Variants in CCDC144A observed in about 807,000 individuals in gnomAD.
CCDC144A encodes coiled-coil domain-containing protein 144A.
CCDC144A carries 41 observed loss-of-function variants against 143.8 expected under a neutral mutation model. The observed-to-expected ratio is 0.29, with a 90% CI of 0.22 to 0.37. The LOEUF is 0.37. CCDC144A is among the 10% of genes least tolerant of loss of function. CCDC144A has a pLI of 1.00. For missense variants in CCDC144A, 637 were observed against 1,488.8 expected (o/e 0.43, Z 9.41); for synonymous variants, 242 against 517.9 (o/e 0.47, Z 7.23).
chr17:16,738,215 C>T (rs1374003387), intron 12 of CCDC144A, among the ~76,000 whole-genome samples: 2 of 144,070 alleles, frequency 1.4e-5, no homozygotes, highest in Non-Finnish European at 3.0e-5. Context: ...TAGGTACTTC[C>T]TTTATTTTCC....
the CCDC144A span, among the ~76,000 whole-genome samples, chr17:16,670,042 A>G: frequency 1.3e-5 from 2 of 151,790 alleles, no homozygotes; most frequent in African/African-American, 2.4e-5. Context: ...TTAGCCGGGC[A>G]TGATGGTGTC....
intron 8 of CCDC144A, among the ~76,000 whole-genome samples, chr17:16,723,544 A>G (rs1042550010): frequency 3.9e-5 from 6 of 152,300 alleles, no homozygotes; most frequent in Admixed American, 6.5e-5. Flanking sequence ...GGTAGCTTAT[A>G]AACAACAGAA....
chr17:16,711,364 A>G (rs1488639757), intron 5 of CCDC144A, among the ~76,000 whole-genome samples: 1 of 151,964 alleles, frequency 6.6e-6, no homozygotes, highest in Non-Finnish European at 1.5e-5. Flanking sequence ...TTCATAATAC[A>G]TAGTAAAGGG....
At chr17:16,667,455 A>G in the CCDC144A span, among the ~76,000 whole-genome samples, 1 of 150,914 alleles carries the variant, frequency 6.6e-6, no homozygotes, top group Admixed American at 6.6e-5. Context: ...GAGGTGGCTC[A>G]GGGGCTGACG....
At chr17:16,762,732 A>G (rs1327270967) in intron 14 of CCDC144A, among the ~76,000 whole-genome samples, 199 bp downstream of exon 14, 6 of 152,076 alleles carry the variant, frequency 3.9e-5, no homozygotes, top group Non-Finnish European at 8.8e-5. Flanking sequence ...AATGAACGTA[A>G]CCTTTAAAAT....
chr17:16,686,845 CTG>C, upstream of CCDC144A, among the ~76,000 whole-genome samples: 1 of 151,886 alleles, frequency 6.6e-6, no homozygotes, highest in South Asian at 2.1e-4. Flanking sequence ...GGTCCTGGAA[CTG>C]TGACTGATGG....
At chr17:16,686,907 C>T (rs1469129557), upstream of CCDC144A, among the ~76,000 whole-genome samples, 1 of 152,058 alleles carries the variant, frequency 6.6e-6, no homozygotes, top group Non-Finnish European at 1.5e-5. Context: ...AGTAGGCTCC[C>T]CCAGGCCATC....
intron 9 of CCDC144A, among the ~76,000 whole-genome samples, chr17:16,730,625 G>A (rs1913695179): frequency 8.8e-6 from 1 of 113,408 alleles, no homozygotes; most frequent in African/African-American, 4.4e-5. Context: ...ATGAACATAG[G>A]GCATATTTCC....
At chr17:16,678,903 T>C in the CCDC144A span, among the ~76,000 whole-genome samples, 1 of 151,796 alleles carries the variant, frequency 6.6e-6, no homozygotes, top group East Asian at 1.9e-4. Context: ...TACAGGCGTG[T>C]GCCACCACGC....
At chr17:16,716,600 A>C (rs1374985297) in intron 6 of CCDC144A, among the ~76,000 whole-genome samples, 2 of 152,238 alleles carry the variant, frequency 1.3e-5, no homozygotes, top group Non-Finnish European at 2.9e-5. Context: ...TATAATGACT[A>C]TAATGACATT....
At chr17:16,709,755 T>A in intron 5 of CCDC144A, 120 bp downstream of exon 5, 1 of 1,389,078 alleles carries the variant, frequency 7.2e-7, no homozygotes, top group South Asian at 1.5e-5. Context: ...TCTGTAATTG[T>A]GTGTAGAAAC....
chr17:16,677,239 T>C, the CCDC144A span, among the ~76,000 whole-genome samples: 1 of 151,994 alleles, frequency 6.6e-6, no homozygotes, highest in Non-Finnish European at 1.5e-5. Flanking sequence ...CTCCTAAAAC[T>C]CCAAATGGTC....
intron 2 of CCDC144A, among the ~76,000 whole-genome samples, chr17:16,698,684 A>G (rs1911554560): frequency 6.6e-6 from 1 of 152,172 alleles, no homozygotes; most frequent in Admixed American, 6.5e-5. Context: ...TGCATTCCCA[A>G]ACAAACATCT....
Position 16,764,079 on chromosome 17 carries a change from C to A in CCDC144A, c.4002C>A (p.Cys1334Ter). ...CAAGGCCAGTCCTAGAGTCACCTTG[C>A]GTTGGAAATCTTAATGATAGTGAAG... The part of the protein sequence containing the change: ...YATRPVLESP[C>*]VGNLNDSEGL... Residue 1334 changes from cysteine (C) to a stop codon, truncating the protein, a stop_gained, in exon 15 of 17, where the codon TGC (cysteine) becomes TGA (stop). Transcript: ENST00000399273. LOFTEE classifies it high-confidence loss of function. 2 of 1,613,690 alleles carry A rather than the reference C, an allele frequency of 1.2e-6. No individual in the cohort carries two copies. The highest frequency in any genetic ancestry group is 2.2e-5 in the South Asian group (2 of 91,066).
chr17:16,683,577 C>T, the CCDC144A span: 2 of 1,608,854 alleles, frequency 1.2e-6, no homozygotes, highest in East Asian at 2.2e-5. Flanking sequence ...GTGCAAAGCA[C>T]AGGTGGACCG....
chr17:16,690,461 T>C lies in CCDC144A; in HGVS notation c.61T>C (p.Tyr21His). The C allele has an allele frequency of 6.2e-7, 1 of 1,612,474 alleles. No individual in the cohort carries two copies. Among genetic ancestry groups the C allele is most frequent in the East Asian group, 2.2e-5 (1 of 44,842 alleles). The change falls in exon 1 of 17, where the codon TAC (tyrosine) becomes CAC (histidine). Residue 21 changes from tyrosine to histidine, a missense_variant. Coordinates refer to ENST00000399273, the MANE Select transcript of CCDC144A (RefSeq NM_001382000.1). The part of the protein sequence containing the change: ...GAEGSPKPAV[Y>H]ATRKTPSVGS... ...TGAGGGGTCTCCGAAGCCGGCAGTCTACGCCACGAGGAAGACCCCTAGCGT... is the reference window on the plus strand; with the variant it reads ...TGAGGGGTCTCCGAAGCCGGCAGTCCACGCCACGAGGAAGACCCCTAGCGT...
intron 8 of CCDC144A, among the ~76,000 whole-genome samples, chr17:16,726,415 A>T (rs1288788287): frequency 6.6e-6 from 1 of 150,382 alleles, no homozygotes. Context: ...AAAAAAAAGA[A>T]AAATCTTCCA....
At chr17:16,693,317 T>G (rs3114295) in intron 2 of CCDC144A, among the ~76,000 whole-genome samples, 14,261 of 118,864 alleles carry the variant, frequency 0.12, 885 homozygotes, top group Non-Finnish European at 0.15. Context: ...AGAAAAAGTG[T>G]TTTTTTTTGT....
chr17:16,688,754 T>C (rs548680458), upstream of CCDC144A, among the ~76,000 whole-genome samples: 577 of 152,224 alleles, frequency 3.8e-3, 6 homozygotes, highest in African/African-American at 0.013. Context: ...TCCCAAAGTG[T>C]TGGGATTACA....
Sources: gnomAD v4.1 joint callset for allele counts (sites outside exome capture counted in the v4.1 genomes callset) on GRCh38, gnomAD v4.1.1 for gene constraint, MANE v1.5 for transcripts, NCBI Gene and HGNC (gene_info 2026-07-23, HGNC 2026-07-21) for gene names.